SEMA6D: variants seen among roughly 807,000 people sequenced by gnomAD.
The protein encoded by SEMA6D is semaphorin-6D.
SEMA6D carries 35 observed loss-of-function variants against 106.6 expected under a neutral mutation model. The ratio of observed to expected loss-of-function variants is 0.33; its 90% CI spans 0.25 to 0.44. The LOEUF (loss-of-function observed/expected upper bound fraction) is 0.44. Ranked by LOEUF, SEMA6D falls within the 20% of genes least tolerant of loss-of-function variation. The probability of loss-of-function intolerance (pLI) is 1.00; values close to 1 mark genes in which losing one functional copy is unlikely to be tolerated. For missense variants in SEMA6D, 1,185 were observed against 1,345.9 expected (o/e 0.88, Z 1.87); for synonymous variants, 499 against 487.7 (o/e 1.02, Z -0.31).
intron 4 of SEMA6D, among the ~76,000 whole-genome samples, chr15:47,656,586 T>C (rs144151258): frequency 0.01 from 1,542 of 152,330 alleles, 16 homozygotes; most frequent in South Asian, 0.045. Context: ...AGGATAACTC[T>C]ATGATTGAGC....
intron 4 of SEMA6D, among the ~76,000 whole-genome samples, chr15:47,616,111 C>T (rs1029617578): frequency 2.1e-4 from 32 of 151,942 alleles, no homozygotes; most frequent in African/African-American, 7.3e-4. Context: ...TTACCGATCT[C>T]TCACCCTCTT....
chr15:47,759,504 C>A (rs945299384), intron 1 of SEMA6D, among the ~76,000 whole-genome samples: 2 of 152,180 alleles, frequency 1.3e-5, no homozygotes, highest in Non-Finnish European at 2.9e-5. Context: ...CATACAATTA[C>A]CTCCAAAATT....
At chr15:47,632,990 G>A (rs2077318800) in intron 4 of SEMA6D, among the ~76,000 whole-genome samples, 1 of 151,930 alleles carries the variant, frequency 6.6e-6, no homozygotes, top group Non-Finnish European at 1.5e-5. Flanking sequence ...ACTGGTATCA[G>A]TGTTTTACCA....
intron 9 of SEMA6D, among the ~76,000 whole-genome samples, chr15:47,763,416 C>T (rs542945504): frequency 5.3e-5 from 8 of 152,244 alleles, no homozygotes; most frequent in African/African-American, 1.9e-4. Flanking sequence ...CACTGATAGT[C>T]TATTCTTTCT....
chr15:47,530,280 C>A (rs2044914182), intron 3 of SEMA6D, among the ~76,000 whole-genome samples: 1 of 152,186 alleles, frequency 6.6e-6, no homozygotes, highest in East Asian at 1.9e-4. Flanking sequence ...CCCTGTATTT[C>A]TCTTTGTCAT....
At chr15:47,448,972 T>C (rs561949944) in intron 2 of SEMA6D, among the ~76,000 whole-genome samples, 1 of 152,190 alleles carries the variant, frequency 6.6e-6, no homozygotes, top group South Asian at 2.1e-4. Context: ...TCTCCCCCAT[T>C]CATAGCTACT....
At chr15:47,401,245 CA>C (rs2040388071) in intron 1 of SEMA6D, among the ~76,000 whole-genome samples, 1 of 152,188 alleles carries the variant, frequency 6.6e-6, no homozygotes, top group Admixed American at 6.5e-5. Context: ...TTTTACTCCT[CA>C]AACCTTTTTA....
In SEMA6D at chr15:47,772,352, G is replaced by A. The variant is rs966502377; in HGVS notation, c.*567G>A. The A allele has an allele frequency of 1.2e-4, 16 of 128,056 alleles. No homozygotes were observed. Among genetic ancestry groups the A allele is most frequent in the African/African-American group, 1.9e-4 (6 of 31,776 alleles). 7.9% of individuals were successfully genotyped at this position (128,056 alleles called of 1,614,324 possible). ...CATGCCACCAACAAACTTGTTGTGT[G>A]TGTGCGTGTGTGTGTGTGTGTGTGT... On this transcript the variant is annotated 3_prime_UTR_variant, in exon 19 of 19. Transcript: ENST00000536845.
At chr15:47,195,663 C>T (rs1330850696) in intron 1 of SEMA6D, among the ~76,000 whole-genome samples, 6 of 152,054 alleles carry the variant, frequency 3.9e-5, no homozygotes, top group Admixed American at 3.3e-4. Context: ...TGTCCTTTAA[C>T]CCCTGACCCT....
At chr15:47,452,190 C>T (rs1393078183) in intron 2 of SEMA6D, among the ~76,000 whole-genome samples, 4 of 151,936 alleles carry the variant, frequency 2.6e-5, no homozygotes, top group South Asian at 2.1e-4. Context: ...CAAAACAAAA[C>T]TCACTAATGA....
chr15:47,648,341 T>A (rs2077620363), intron 4 of SEMA6D, among the ~76,000 whole-genome samples: 1 of 152,146 alleles, frequency 6.6e-6, no homozygotes. Flanking sequence ...AGTGTCCCAG[T>A]CTGAGTGAGC....
intron 1 of SEMA6D, among the ~76,000 whole-genome samples, chr15:47,188,971 T>A (rs1194162764): frequency 3.3e-5 from 5 of 152,200 alleles, no homozygotes; most frequent in African/African-American, 1.2e-4. Context: ...ACCCTGACTT[T>A]AATGACATTC....
At position 47,414,588 on chromosome 15, in the gene SEMA6D, G is replaced by A. The variant is rs185871041; in HGVS notation, c.-159+2116G>A. Among the ~76,000 whole-genome samples the A allele has an allele frequency of 5.3e-4, 81 of 152,252 alleles. No homozygotes were observed. The East Asian group carries it at 0.013, about 25-fold the overall frequency. On this transcript the variant is annotated intron_variant, in intron 2 of 19. Coordinates refer to the SEMA6D transcript ENST00000558014. ...CTGTATATATCAAATTATGCTTTTT[G>A]TTATCAAAAGTGAAAGTCTACAAAA...
chr15:47,756,606 G>T (rs369046955), intron 1 of SEMA6D, among the ~76,000 whole-genome samples: 9 of 152,302 alleles, frequency 5.9e-5, no homozygotes, highest in African/African-American at 1.4e-4. Flanking sequence ...TTTGAACTCA[G>T]ATTTTTCTAA....
At chr15:47,661,853 A>T (rs1169775766) in intron 4 of SEMA6D, among the ~76,000 whole-genome samples, 1 of 152,250 alleles carries the variant, frequency 6.6e-6, no homozygotes, top group East Asian at 1.9e-4. Flanking sequence ...TATTTCAGTT[A>T]TTCAAACACT....
At position 47,771,267 on chromosome 15, in the gene SEMA6D, A is replaced by T. The variant is rs529385784; in HGVS notation, c.2704A>T (p.Met902Leu). ...CAAAGCCATCATGGGAGACATCCAG[A>T]TGGCACACCAGAACTTAATGCTGGA... Reference protein sequence around the residue: ...NPKAIMGDIQMAHQNLMLDPM... With the variant: ...NPKAIMGDIQLAHQNLMLDPM... Residue 902 changes from methionine to leucine, a missense_variant, in exon 19 of 19, where the codon ATG (methionine) becomes TTG (leucine). By Grantham distance (15) the Met-to-Leu change is conservative. This residue lies in a region of SEMA6D where 750 missense variants were observed against 783.5 expected (regional missense o/e 0.96). Coordinates refer to ENST00000536845, the MANE Select transcript of SEMA6D (RefSeq NM_001358351.3). 4 of 1,614,068 alleles carry T rather than the reference A, an allele frequency of 2.5e-6. No individual in the cohort carries two copies. In the African/African-American group the frequency reaches 5.3e-5, roughly 22 times the overall value.
intron 2 of SEMA6D, among the ~76,000 whole-genome samples, chr15:47,449,463 G>A (rs539916210): frequency 6.6e-6 from 1 of 152,092 alleles, no homozygotes; most frequent in Non-Finnish European, 1.5e-5. Context: ...CTGAAGGCAG[G>A]TTCTTTCTCC....
intron 2 of SEMA6D, among the ~76,000 whole-genome samples, chr15:47,468,115 C>T (rs1302882898): frequency 1.5e-4 from 23 of 152,008 alleles, no homozygotes; most frequent in Non-Finnish European, 1.5e-5. Flanking sequence ...ACAGTACAAT[C>T]AAGAAAATTA....
chr15:47,618,878 G>A (rs2077052235), intron 4 of SEMA6D, among the ~76,000 whole-genome samples: 1 of 152,154 alleles, frequency 6.6e-6, no homozygotes, highest in East Asian at 1.9e-4. Context: ...TCAGAGAGAT[G>A]ATATGTGTGA....
Sources: allele counts gnomAD v4.1 joint callset (sites outside exome capture counted in the v4.1 genomes callset), GRCh38; gene constraint gnomAD v4.1.1; regional missense constraint gnomAD v4.1.1; transcripts MANE v1.5; gene names NCBI Gene and HGNC (gene_info 2026-07-23, HGNC 2026-07-21).